The following OPALIN variants were observed in gnomAD, a reference collection of about 807,000 sequenced individuals.
OPALIN encodes transmembrane protein 10.
In OPALIN, 15 loss-of-function variants were observed where a neutral mutation model predicts 17.8. The ratio of observed to expected loss-of-function variants is 0.84; its 90% CI spans 0.56 to 1.29. OPALIN has a LOEUF of 1.29. Among genes scored for constraint, OPALIN ranks in the 50% most tolerant of loss-of-function variants. OPALIN has a pLI of 0.00. For missense variants in OPALIN, 170 were observed against 176.0 expected, an observed-to-expected ratio of 0.97 and a Z score of 0.19; for synonymous variants, 62 against 63.8, an observed-to-expected ratio of 0.97 and a Z score of 0.14.
rs181734506 is a variant in OPALIN at position 96,351,670 on chromosome 10, T to G, written c.40-260A>C. Among the ~76,000 whole-genome samples, 107 of 152,282 alleles carry G rather than the reference T, an allele frequency of 7.0e-4. 1 individual carries two copies. Among genetic ancestry groups the G allele is most frequent in the African/African-American group, 1.9e-3 (77 of 41,566 alleles). ...CACCCTGTGGATGTACCGTGACACA[T>G]TTTACAACTCAAAAGGGCTTCCTCC... On this transcript the variant is annotated intron_variant, in intron 2 of 5. Coordinates refer to ENST00000371172, the MANE Select transcript of OPALIN (RefSeq NM_033207.5).
chr10:96,356,375 G>T (rs2134034971), intron 1 of OPALIN, among the ~76,000 whole-genome samples: 1 of 152,284 alleles, frequency 6.6e-6, no homozygotes, highest in East Asian at 1.9e-4. Flanking sequence ...AAACATTAAA[G>T]AATCCAAAAG....
At chr10:96,356,558 A>G (rs138999979) in intron 1 of OPALIN, among the ~76,000 whole-genome samples, 2 of 152,134 alleles carry the variant, frequency 1.3e-5, no homozygotes, top group Non-Finnish European at 2.9e-5. Context: ...CTCAACCCCA[A>G]CCCGAAAGAT....
At chr10:96,349,895 T>A in intron 3 of OPALIN, 69 bp from the exon 4 acceptor site, 1 of 1,468,426 alleles carries the variant, frequency 6.8e-7, no homozygotes, top group African/African-American at 1.4e-5. Context: ...AAAAATTCAA[T>A]AGAATAAAAA....
chr10:96,350,106 A>C (rs545957478), intron 3 of OPALIN, among the ~76,000 whole-genome samples: 2 of 152,266 alleles, frequency 1.3e-5, no homozygotes, highest in African/African-American at 2.4e-5. Context: ...TCTTTAGAAC[A>C]GAAATACAAA....
At chr10:96,350,114 A>G (rs112592998) in intron 3 of OPALIN, among the ~76,000 whole-genome samples, 2 of 152,374 alleles carry the variant, frequency 1.3e-5, no homozygotes, top group Non-Finnish European at 2.9e-5. Context: ...ACAGAAATAC[A>G]AATGTCTCTT....
At chr10:96,357,446 G>A (rs1845865427) in intron 1 of OPALIN, among the ~76,000 whole-genome samples, 1 of 152,182 alleles carries the variant, frequency 6.6e-6, no homozygotes, top group South Asian at 2.1e-4. Flanking sequence ...ACACAGCTGA[G>A]TGGGATGATG....
At chr10:96,351,333 G>C in intron 3 of OPALIN, 45 bp downstream of exon 3, 1 of 1,130,278 alleles carries the variant, frequency 8.8e-7, no homozygotes. Context: ...GATGGATGGA[G>C]CATTATTATT....
At position 96,345,020 on chromosome 10, in the gene OPALIN, C is replaced by G. The variant is rs1845253099; in HGVS notation, c.*921G>C. The G allele has an allele frequency of 6.6e-6, 1 of 152,192 alleles. No homozygotes were observed. Among genetic ancestry groups the G allele is most frequent in the Non-Finnish European group, 1.5e-5 (1 of 68,034 alleles). The allele number at this position is 152,192 out of a possible 1,614,324, so 9.4% of individuals were successfully genotyped here. On this transcript the variant is annotated 3_prime_UTR_variant, in exon 6 of 6. Coordinates refer to ENST00000371172, the MANE Select transcript of OPALIN (RefSeq NM_033207.5). ...ACACCTAGATTGGAAGATTCACATA[C>G]TACCAGCAACACCTAGAATCATCTT...
rs966705319 is a variant in OPALIN, at chr10:96,353,360, A to G, written c.39+1895T>C. The G allele has an allele frequency of 3.0e-5, 48 of 1,597,984 alleles. No homozygotes were observed. In the East Asian group the frequency reaches 9.0e-4, roughly 30 times the overall value. On this transcript the variant is annotated intron_variant, in intron 2 of 5. Transcript: ENST00000371172. ...GGTGCCCACCTCTGTCCCACTTCCC[A>G]GGGCACTGGCATTCCCAGGCTACCC...
intron 2 of OPALIN, 120 bp downstream of exon 2, chr10:96,355,135 A>G (rs1032628626): frequency 9.1e-6 from 2 of 219,168 alleles, no homozygotes; most frequent in Non-Finnish European, 1.8e-5. Context: ...AAAAAAAAAA[A>G]AGAAAGTCTG....
intron 5 of OPALIN, among the ~76,000 whole-genome samples, chr10:96,346,792 C>G (rs1299695206): frequency 6.6e-6 from 1 of 152,028 alleles, no homozygotes; most frequent in Non-Finnish European, 1.5e-5. Context: ...GTATGCAACC[C>G]CCATTATTTA....
intron 4 of OPALIN, 25 bp from the exon 5 acceptor site, chr10:96,348,370 AAAAG>A: frequency 8.6e-7 from 1 of 1,159,494 alleles, no homozygotes; most frequent in Non-Finnish European, 1.3e-6. Flanking sequence ...ATATAATAAT[AAAAG>A]AAAGAAAGAA....
intron 3 of OPALIN, among the ~76,000 whole-genome samples, chr10:96,350,118 G>A (rs1173335367): frequency 2.6e-5 from 4 of 152,152 alleles, no homozygotes; most frequent in African/African-American, 4.8e-5. Flanking sequence ...AAATACAAAT[G>A]TCTCTTCAAT....
In OPALIN at chr10:96,344,857, AGT is replaced by A. The variant is rs1845246521; in HGVS notation, c.*1082_*1083del. 1.3e-5 allele frequency: 2 copies of A among 152,244 alleles called. No individual in the cohort carries two copies. Among genetic ancestry groups the A allele is most frequent in the South Asian group, 4.1e-4 (2 of 4,838 alleles). 9.4% of individuals were successfully genotyped at this position (152,244 alleles called of 1,614,324 possible). A position where few individuals can be genotyped will look rare whatever the true frequency, so the allele number is the denominator to read the frequency against. On this transcript the variant is annotated 3_prime_UTR_variant, in exon 6 of 6. Transcript: ENST00000371172. ...GCAAAATGTTTCATTGTAAAGACAA[AGT>A]GTTGTTTTAATATGAAACATGAATT...
At chr10:96,348,147 A>G in intron 5 of OPALIN, 142 bp downstream of exon 5, 1 of 412,416 alleles carries the variant, frequency 2.4e-6, no homozygotes, top group African/African-American at 2.0e-5. Flanking sequence ...TGCACTGAGA[A>G]CCTCCTTTGT....
At chr10:96,354,194 C>A (rs538534568) in intron 2 of OPALIN, among the ~76,000 whole-genome samples, 2 of 152,088 alleles carry the variant, frequency 1.3e-5, no homozygotes, top group African/African-American at 2.4e-5. Flanking sequence ...CAGATAACAA[C>A]CTTGGCTCTT....
In OPALIN at chr10:96,345,722, G is replaced by C. The variant is rs967804723; in HGVS notation, c.*219C>G. 1.1e-5 allele frequency: 5 copies of C among 439,120 alleles called. No individual in the cohort carries two copies. The highest frequency in any genetic ancestry group is 1.0e-4 in the African/African-American group (5 of 49,904). The allele number at this position is 439,120 out of a possible 1,614,324, so 27.2% of individuals were successfully genotyped here. On this transcript the variant is annotated 3_prime_UTR_variant, in exon 6 of 6. Coordinates refer to ENST00000371172, the MANE Select transcript of OPALIN (RefSeq NM_033207.5). ...ATAGGATCTAAGGACCCCATCTGGT[G>C]AGTCACATGTACTAACTAAAGCACA... is the stretch of plus-strand genomic sequence containing the variant.
At chr10:96,353,602 G>A in intron 2 of OPALIN, 1 of 712,968 alleles carries the variant, frequency 1.4e-6, no homozygotes, top group Middle Eastern at 2.4e-4. Flanking sequence ...ACTCCAAAGG[G>A]TGATGACTGG....
chr10:96,357,956 GA>G (rs1244594379), intron 1 of OPALIN, among the ~76,000 whole-genome samples: 1 of 152,034 alleles, frequency 6.6e-6, no homozygotes, highest in Non-Finnish European at 1.5e-5. Flanking sequence ...TGAGAGGAAG[GA>G]GGAAGAGACA....
Sources: allele counts gnomAD v4.1 joint callset (sites outside exome capture counted in the v4.1 genomes callset), GRCh38; gene constraint gnomAD v4.1.1; transcripts MANE v1.5; gene names NCBI Gene and HGNC (gene_info 2026-07-23, HGNC 2026-07-21).